XPNPEP2: variants seen among roughly 807,000 people sequenced by gnomAD.
XPNPEP2 encodes the protein X-prolyl aminopeptidase 2.
In XPNPEP2, 64 loss-of-function variants were observed where a neutral mutation model predicts 59.8. That is an observed-to-expected ratio of 1.07 (90% CI 0.87 to 1.32). The LOEUF (loss-of-function observed/expected upper bound fraction) is 1.32. XPNPEP2 is among the 40% of genes most tolerant of loss of function. The pLI, the probability that XPNPEP2 is intolerant of heterozygous loss-of-function variation, is 0.00. For missense variants in XPNPEP2, 575 were observed against 546.8 expected, an observed-to-expected ratio of 1.05 and a Z score of -0.51; for synonymous variants, 235 against 210.0, an observed-to-expected ratio of 1.12 and a Z score of -1.03.
At chrX:129,762,994 A>G (rs1602912277) in intron 19 of XPNPEP2, among the ~76,000 whole-genome samples, 1 of 112,362 alleles carries the variant, frequency 8.9e-6, no homozygotes, top group African/African-American at 3.2e-5. Context: ...GCCCATGCCC[A>G]GGCCCCATTC....
rs2072643244 is a variant in XPNPEP2, at chrX:129,768,792, C to T, written c.*307C>T. 4.9e-6 allele frequency: 1 copy of T among 202,226 alleles called. No homozygotes were observed. Among genetic ancestry groups the T allele is most frequent in the Non-Finnish European group, 8.9e-6 (1 of 111,820 alleles). The allele number at this position is 202,226 out of a possible 1,213,427, so 16.7% of individuals were successfully genotyped here. ...CTTCTGTGATCTCAGTAGGCCTAAC[C>T]TATAACCTAGCACAGACTGCTACAG... On this transcript the variant is annotated 3_prime_UTR_variant, in exon 21 of 21. Coordinates refer to ENST00000371106, the MANE Select transcript of XPNPEP2 (RefSeq NM_003399.6).
At chrX:129,759,291 C>A in intron 15 of XPNPEP2, 51 bp downstream of exon 15, 1 of 1,177,400 alleles carries the variant, frequency 8.5e-7, no homozygotes, top group Non-Finnish European at 1.2e-6. Flanking sequence ...AGGGGGCACC[C>A]AAGCAGTCAA....
In XPNPEP2 at chrX:129,757,893, G is replaced by GAA. The variant is rs1245300991; in HGVS notation, c.1368-1286_1368-1285insAA. The stretch of plus-strand genomic sequence containing the variant: ...AGAGAAAGAGAGAGAGAGAGAGAGA[G>GAA]AGAAAGAAAGAAAGAAAGAAAGAAA... On this transcript the variant is annotated intron_variant, in intron 14 of 20. Coordinates refer to ENST00000371106, the MANE Select transcript of XPNPEP2 (RefSeq NM_003399.6). Among the ~76,000 whole-genome samples, 313 of 51,728 alleles carry GAA rather than the reference G, an allele frequency of 6.1e-3. 1 individual carries two copies. Among genetic ancestry groups the GAA allele is most frequent in the East Asian group, 8.1e-3 (14 of 1,722 alleles). 44.9% of individuals were successfully genotyped at this position (51,728 alleles called of 115,157 possible).
intron 4 of XPNPEP2, 87 bp downstream of exon 4, chrX:129,745,353 C>A: frequency 9.4e-7 from 1 of 1,068,839 alleles, no homozygotes; most frequent in Non-Finnish European, 1.3e-6. Context: ...GTCTCAGCAT[C>A]TGGGACCCCA....
chrX:129,757,903 GAAAGAAAGAAAGA>G (rs1926579699), intron 14 of XPNPEP2, among the ~76,000 whole-genome samples: 2 of 28,524 alleles, frequency 7.0e-5, no homozygotes, highest in African/African-American at 1.1e-4. Flanking sequence ...GAGAAAGAAA[GAAAGAAAGAAAGA>G]AAGAAAGAAA....
intron 19 of XPNPEP2, 41 bp downstream of exon 19, chrX:129,762,811 G>A: frequency 1.7e-6 from 2 of 1,143,341 alleles, no homozygotes; most frequent in Non-Finnish European, 2.4e-6. Context: ...TGGGCAGCAT[G>A]TCAGTGACTT....
At chrX:129,741,033 A>AG (rs1429867912) in intron 1 of XPNPEP2, among the ~76,000 whole-genome samples, 2 of 108,915 alleles carry the variant, frequency 1.8e-5, no homozygotes, top group Non-Finnish European at 3.8e-5. Flanking sequence ...CCTAAAAGAC[A>AG]GGGGGGTTAG....
At position 129,742,189 on chromosome X, in the gene XPNPEP2, C is replaced by A; in HGVS notation, c.123+8C>A. On this transcript the variant is annotated splice_region_variant and intron_variant, in intron 2 of 20. Transcript: ENST00000371106. ...TGTTCCACCAACCCCCCTGTGAGTG[C>A]CCCCTGCCCCCCGCGCACGGCCCCC... 3 of 861,263 alleles carry A rather than the reference C, an allele frequency of 3.5e-6. No homozygotes were observed. The allele number at this position is 861,263 out of a possible 1,213,427, so 71.0% of individuals were successfully genotyped here.
At position 129,753,228 on chromosome X, in the gene XPNPEP2, G is replaced by A; in HGVS notation, c.1087G>A (p.Ala363Thr). ...TKAVKNSKEQ[A>T]LLKASHVRDA... ...GGCAGTGAAGAACAGCAAGGAGCAG[G>A]CCCTCCTCAAGGCCAGCCACGTAAG... The change falls in exon 11 of 21, where the codon GCC becomes ACC. Residue 363 changes from alanine to threonine, a missense_variant. By Grantham distance (58) the Ala-to-Thr change is moderately conservative. Transcript: ENST00000371106. 1 of 1,211,679 alleles carries A rather than the reference G, an allele frequency of 8.3e-7. No individual in the cohort carries two copies.
chrX:129,756,140 G>A (rs1318305697), intron 13 of XPNPEP2, among the ~76,000 whole-genome samples: 1 of 112,592 alleles, frequency 8.9e-6, no homozygotes, highest in Admixed American at 9.3e-5. Flanking sequence ...GCGCATCCTC[G>A]TGCAAGCCCC....
At position 129,743,141 on chromosome X, in the gene XPNPEP2, G is replaced by T. The variant is rs777412114; in HGVS notation, c.124-820G>T. ...ATCTGCTAGCAATATCAACTTTATG[G>T]GACCCCTGGGGCAGGCAGGTGGGTG... On this transcript the variant is annotated intron_variant, in intron 2 of 20. Coordinates refer to ENST00000371106, the MANE Select transcript of XPNPEP2 (RefSeq NM_003399.6). Among the ~76,000 whole-genome samples the T allele has an allele frequency of 1.1e-4, 12 of 112,229 alleles. No individual in the cohort carries two copies. The South Asian group carries it at 4.5e-3, about 42-fold the overall frequency.
chrX:129,739,422 T>G (rs1160165914), intron 1 of XPNPEP2, among the ~76,000 whole-genome samples, 160 bp downstream of exon 1: 1 of 111,755 alleles, frequency 8.9e-6, no homozygotes, highest in Non-Finnish European at 1.9e-5. Flanking sequence ...GGGGCCCTCA[T>G]AACTTGGATC....
intron 8 of XPNPEP2, 113 bp downstream of exon 8, chrX:129,750,682 A>G: frequency 1.6e-6 from 1 of 612,473 alleles, no homozygotes; most frequent in Non-Finnish European, 2.4e-6. Flanking sequence ...GTGCCCACCA[A>G]TTCTTGAGAA....
chrX:129,743,843 C>T, intron 2 of XPNPEP2, 118 bp from the exon 3 acceptor site: 1 of 627,974 alleles, frequency 1.6e-6, no homozygotes, highest in South Asian at 2.7e-5. Context: ...CTTCCCCCAA[C>T]CGCTGCTTCA....
chrX:129,743,949 G>A lies in XPNPEP2; in HGVS notation c.124-12G>A. 8.3e-7 allele frequency: 1 copy of A among 1,199,462 alleles called. No individual in the cohort carries two copies. Among genetic ancestry groups the A allele is most frequent in the African/African-American group, 1.7e-5 (1 of 57,531 alleles). On this transcript the variant is annotated splice_polypyrimidine_tract_variant and intron_variant, in intron 2 of 20. Coordinates refer to ENST00000371106, the MANE Select transcript of XPNPEP2 (RefSeq NM_003399.6). ...TTTGTTTGTGTCTCAATGTCTTCTT[G>A]TCATCTGTCAGTACCTTCCAGTTAC...
At position 129,767,640 on chromosome X, in the gene XPNPEP2, T is replaced by C. The variant is rs752441154; in HGVS notation, c.1778T>C (p.Phe593Ser). The C allele has an allele frequency of 3.3e-6, 4 of 1,211,702 alleles. No homozygotes were observed. In the South Asian group the frequency reaches 5.3e-5, roughly 16 times the overall value. Residue 593 changes from phenylalanine (F) to serine (S), a missense_variant, in exon 20 of 21, where the codon TTT (phenylalanine) becomes TCT (serine). Phe to Ser is a radical substitution (Grantham distance 155, BLOSUM62 -2). Coordinates refer to ENST00000371106, the MANE Select transcript of XPNPEP2 (RefSeq NM_003399.6). ...TACCTGACCTTTGAAGTGGTATCAT[T>C]TGTGCCCTATGACCGGAACCTCATC... is the stretch of plus-strand genomic sequence containing the variant. ...GSYLTFEVVS[F>S]VPYDRNLIDV...
rs1323427280 is a variant in XPNPEP2, at chrX:129,742,089, T to G, written c.50-19T>G. ...TAGCTGGTCCCCAAATGACCCTGGA[T>G]TTTTCTCCCGGCTTCTAGCTTGTGC... On this transcript the variant is annotated intron_variant, in intron 1 of 20. Transcript: ENST00000371106. The G allele has an allele frequency of 8.3e-7, 1 of 1,205,927 alleles. No homozygotes were observed. Among genetic ancestry groups the G allele is most frequent in the African/African-American group, 1.7e-5 (1 of 57,696 alleles).
intron 19 of XPNPEP2, among the ~76,000 whole-genome samples, chrX:129,765,384 A>G (rs1453013262): frequency 1.8e-5 from 2 of 111,842 alleles, no homozygotes; most frequent in African/African-American, 6.5e-5. Context: ...GAAGGTACAT[A>G]TCTGGCGTAG....
Position 129,757,889 on chromosome X carries a change from GAGAGAGAAAGAAAGAAAGAAAGAA to G in XPNPEP2, c.1368-1287_1368-1264del, listed in dbSNP as rs1332034821. The stretch of plus-strand genomic sequence containing the variant: ...AGAGAGAGAAAGAGAGAGAGAGAGA[GAGAGAGAAAGAAAGAAAGAAAGAA>G]AGAAAGAAAGAAAGAAAGAAAGAAA... On this transcript the variant is annotated intron_variant, in intron 14 of 20. Transcript: ENST00000371106. Among the ~76,000 whole-genome samples, 119 of 73,935 alleles carry G rather than the reference GAGAGAGAAAGAAAGAAAGAAAGAA, an allele frequency of 1.6e-3. 1 individual carries two copies. Among genetic ancestry groups the G allele is most frequent in the African/African-American group, 5.8e-3 (81 of 14,032 alleles). The allele number at this position is 73,935 out of a possible 115,157, so 64.2% of individuals were successfully genotyped here. A position where few individuals can be genotyped will look rare whatever the true frequency, so the allele number is the denominator to read the frequency against.
Sources: gnomAD v4.1 joint callset for allele counts (sites outside exome capture counted in the v4.1 genomes callset) on GRCh38, gnomAD v4.1.1 for gene constraint, MANE v1.5 for transcripts, NCBI Gene and HGNC (gene_info 2026-07-23, HGNC 2026-07-21) for gene names.